Variants in GRB2 observed in about 807,000 individuals in gnomAD.
GRB2 encodes growth factor receptor-bound protein 2.
In GRB2, 2 loss-of-function variants were observed where a neutral mutation model predicts 27.4. The observed-to-expected ratio is 0.07, with a 90% CI of 0.03 to 0.23. The LOEUF is 0.23. GRB2 is among the 10% of genes least tolerant of loss of function. The pLI is 1.00. For missense variants in GRB2, 102 were observed against 282.4 expected, an observed-to-expected ratio of 0.36 and a Z score of 4.58; for synonymous variants, 94 against 99.6, an observed-to-expected ratio of 0.94 and a Z score of 0.33.
intron 2 of GRB2, among the ~76,000 whole-genome samples, chr17:75,364,553 G>A (rs1341503952): frequency 3.3e-5 from 5 of 151,996 alleles, no homozygotes; most frequent in Non-Finnish European, 7.4e-5. Flanking sequence ...CAATTCCAGA[G>A]TCCATGTCTG....
intron 1 of GRB2, among the ~76,000 whole-genome samples, chr17:75,394,500 A>T (rs2079018276): frequency 6.6e-6 from 1 of 152,174 alleles, no homozygotes; most frequent in Non-Finnish European, 1.5e-5. Flanking sequence ...GCTCTTGCAT[A>T]AGGCTCCCTT....
At chr17:75,329,840 C>A (rs1320856858) in intron 3 of GRB2, among the ~76,000 whole-genome samples, 1 of 152,214 alleles carries the variant, frequency 6.6e-6, no homozygotes, top group Admixed American at 6.5e-5. Context: ...GAGCAAGACC[C>A]TGTGAATAGC....
chr17:75,354,594 C>T lies in GRB2; in HGVS notation c.79-21797G>A, dbSNP rs187372580. On this transcript the variant is annotated intron_variant, in intron 2 of 5. Coordinates refer to ENST00000316804, the MANE Select transcript of GRB2 (RefSeq NM_002086.5). ...GTTGAACAGTCATCCTGAACCATCT[C>T]GACCCCCCACTTCCATGGAAAAATT... Among the ~76,000 whole-genome samples the T allele has an allele frequency of 1.3e-3, 197 of 152,202 alleles. 1 individual carries two copies. The highest frequency in any genetic ancestry group is 4.5e-3 in the African/African-American group (187 of 41,526).
chr17:75,337,861 C>T (rs112389499), intron 2 of GRB2, among the ~76,000 whole-genome samples: 4 of 100,968 alleles, frequency 4.0e-5, no homozygotes, highest in African/African-American at 5.5e-5. Flanking sequence ...CCACTGCGCC[C>T]GGCCTACTAT....
chr17:75,383,630 T>A (rs2078943864), intron 2 of GRB2, among the ~76,000 whole-genome samples: 1 of 151,970 alleles, frequency 6.6e-6, no homozygotes, highest in South Asian at 2.1e-4. Flanking sequence ...GATCACAAGG[T>A]CAGGAGTTCG....
At chr17:75,375,829 T>C (rs571561965) in intron 2 of GRB2, among the ~76,000 whole-genome samples, 3 of 150,556 alleles carry the variant, frequency 2.0e-5, no homozygotes, top group Non-Finnish European at 4.4e-5. Flanking sequence ...ATCGAGACCA[T>C]CCTGGCTAAC....
At chr17:75,345,513 T>C (rs1487991956) in intron 2 of GRB2, among the ~76,000 whole-genome samples, 1 of 152,148 alleles carries the variant, frequency 6.6e-6, no homozygotes, top group Non-Finnish European at 1.5e-5. Flanking sequence ...TGCATAAGGA[T>C]ACAGGACTGA....
intron 3 of GRB2, among the ~76,000 whole-genome samples, chr17:75,327,073 CTTTTTTTTT>C (rs66526663): frequency 7.4e-6 from 1 of 135,820 alleles, no homozygotes; most frequent in East Asian, 2.1e-4. Flanking sequence ...CATATCTTTT[CTTTTTTTTT>C]TTTTTTGAGG....
intron 5 of GRB2, among the ~76,000 whole-genome samples, chr17:75,321,434 C>G (rs1483046850): frequency 6.6e-6 from 1 of 152,096 alleles, no homozygotes; most frequent in Non-Finnish European, 1.5e-5. Flanking sequence ...GCCTCGGCCT[C>G]CCAAAGTGCT....
chr17:75,399,430 C>T (rs1337132661), intron 1 of GRB2, among the ~76,000 whole-genome samples: 4 of 146,566 alleles, frequency 2.7e-5, no homozygotes, highest in South Asian at 2.2e-4. Flanking sequence ...TGCAGTGGCA[C>T]GATCTTGGCT....
intron 2 of GRB2, among the ~76,000 whole-genome samples, chr17:75,344,996 C>CT (rs1567862252): frequency 9.9e-5 from 15 of 152,036 alleles, no homozygotes; most frequent in African/African-American, 3.6e-4. Context: ...GGAGCTCAAA[C>CT]CTCTACCCTG....
intron 2 of GRB2, among the ~76,000 whole-genome samples, chr17:75,351,367 G>A (rs1015860524): frequency 6.6e-5 from 10 of 152,052 alleles, no homozygotes; most frequent in African/African-American, 2.2e-4. Flanking sequence ...AGAGGAAGAC[G>A]GCCAAGTGCT....
At chr17:75,385,072 C>CAAAA (rs2078955333) in intron 2 of GRB2, among the ~76,000 whole-genome samples, 1 of 35,734 alleles carries the variant, frequency 2.8e-5, no homozygotes, top group Non-Finnish European at 9.2e-5. Flanking sequence ...AACAAACAAA[C>CAAAA]AAACAAAAAA....
intron 2 of GRB2, among the ~76,000 whole-genome samples, chr17:75,352,423 C>G (rs1378038242): frequency 1.3e-5 from 2 of 152,230 alleles, no homozygotes; most frequent in African/African-American, 4.8e-5. Flanking sequence ...ACAGGCTTGT[C>G]AGACCCGCAA....
intron 2 of GRB2, among the ~76,000 whole-genome samples, chr17:75,336,744 T>C (rs768744503): frequency 6.6e-6 from 1 of 152,174 alleles, no homozygotes; most frequent in Non-Finnish European, 1.5e-5. Flanking sequence ...TGTAATTTTT[T>C]TTTTTGAGAG....
Position 75,319,245 on chromosome 17 carries a change from TAC to T in GRB2, c.*1121_*1122del, listed in dbSNP as rs1308109273. The stretch of plus-strand genomic sequence containing the variant: ...TCCCCTGCCCGGAGGGAAAAATATT[TAC>T]ACAGAGTAGGAGACAAATTGGCTGA... On this transcript the variant is annotated 3_prime_UTR_variant, in exon 6 of 6. Transcript: ENST00000316804. 6.6e-6 allele frequency: 1 copy of T among 151,856 alleles called. No individual in the cohort carries two copies. Among genetic ancestry groups the T allele is most frequent in the Non-Finnish European group, 1.5e-5 (1 of 67,942 alleles). 9.4% of individuals were successfully genotyped at this position (151,856 alleles called of 1,614,324 possible). A position where few individuals can be genotyped will look rare whatever the true frequency, so the allele number is the denominator to read the frequency against.
At chr17:75,343,304 C>T (rs2078633982) in intron 2 of GRB2, among the ~76,000 whole-genome samples, 1 of 152,022 alleles carries the variant, frequency 6.6e-6, no homozygotes, top group Admixed American at 6.6e-5. Context: ...ACAACTCTGC[C>T]AGCAAAATTT....
intron 1 of GRB2, among the ~76,000 whole-genome samples, chr17:75,401,102 T>C (rs148133253): frequency 4.5e-3 from 688 of 151,958 alleles, no homozygotes; most frequent in African/African-American, 0.016. Flanking sequence ...AGAAAAATTA[T>C]AGTTTATCCT....
chr17:75,366,837 A>T (rs541150812), intron 2 of GRB2, among the ~76,000 whole-genome samples: 3 of 151,834 alleles, frequency 2.0e-5, no homozygotes, highest in Non-Finnish European at 2.9e-5. Context: ...AATCCAACAA[A>T]TTTTTTTTCC....
Sources: gnomAD v4.1 joint callset for allele counts (sites outside exome capture counted in the v4.1 genomes callset) on GRCh38, gnomAD v4.1.1 for gene constraint, MANE v1.5 for transcripts, NCBI Gene and HGNC (gene_info 2026-07-23, HGNC 2026-07-21) for gene names.